Variants in SLC2A13 observed in about 807,000 individuals in gnomAD.
SLC2A13 encodes the protein solute carrier family 2 member 13.
In SLC2A13, 32 loss-of-function variants were observed where a neutral mutation model predicts 64.4. The observed-to-expected ratio is 0.50, with a 90% CI of 0.37 to 0.67. The LOEUF is 0.67. SLC2A13 is among the 30% of genes least tolerant of loss of function. The probability of loss-of-function intolerance (pLI) is 0.00; values close to 1 mark genes in which losing one functional copy is unlikely to be tolerated. For synonymous variants in SLC2A13, 338 were observed against 327.1 expected (o/e 1.03, Z -0.36); for missense variants, 743 against 829.2 (o/e 0.90, Z 1.28).
At chr12:39,952,642 G>A (rs1490179436) in intron 3 of SLC2A13, among the ~76,000 whole-genome samples, 2 of 152,166 alleles carry the variant, frequency 1.3e-5, no homozygotes, top group Admixed American at 1.3e-4. Context: ...TAAATGGCAA[G>A]AGAGGGAATA....
chr12:39,895,408 T>C (rs1374193404), intron 4 of SLC2A13, among the ~76,000 whole-genome samples: 8 of 145,694 alleles, frequency 5.5e-5, no homozygotes, highest in African/African-American at 2.0e-4. Context: ...GAGAATGGCC[T>C]GAACCTGGGA....
intron 4 of SLC2A13, among the ~76,000 whole-genome samples, chr12:39,925,103 A>G (rs1393838631): frequency 7.0e-6 from 1 of 143,816 alleles, no homozygotes; most frequent in Admixed American, 7.4e-5. Flanking sequence ...AGGCATGATC[A>G]TGGATCGCTC....
At chr12:39,960,815 T>C (rs1946399380) in intron 3 of SLC2A13, among the ~76,000 whole-genome samples, 1 of 150,056 alleles carries the variant, frequency 6.7e-6, no homozygotes, top group African/African-American at 2.4e-5. Context: ...TGGCGTGATT[T>C]TGGCTCACTG....
intron 1 of SLC2A13, among the ~76,000 whole-genome samples, chr12:40,072,223 C>T (rs993074330): frequency 6.6e-6 from 1 of 151,982 alleles, no homozygotes; most frequent in Non-Finnish European, 1.5e-5. Flanking sequence ...TATCCTTCTG[C>T]TGTTGATTTT....
At chr12:40,079,256 C>G (rs1938300538) in intron 1 of SLC2A13, among the ~76,000 whole-genome samples, 1 of 152,184 alleles carries the variant, frequency 6.6e-6, no homozygotes, top group African/African-American at 2.4e-5. Context: ...GCATTTAGCA[C>G]TATAAACTTT....
chr12:39,872,061 G>A, intron 4 of SLC2A13, 100 bp from the exon 5 acceptor site: 1 of 956,674 alleles, frequency 1.0e-6, no homozygotes, highest in South Asian at 2.9e-5. Context: ...AAAATATAAG[G>A]AGAACTACAG....
intron 1 of SLC2A13, among the ~76,000 whole-genome samples, chr12:40,101,995 C>T (rs1263855504): frequency 1.3e-5 from 2 of 152,210 alleles, no homozygotes; most frequent in Non-Finnish European, 2.9e-5. Context: ...AAGCACTTTT[C>T]TGGCTACATC....
intron 1 of SLC2A13, among the ~76,000 whole-genome samples, chr12:40,082,919 C>G (rs573059056): frequency 2.0e-5 from 3 of 152,138 alleles, no homozygotes; most frequent in South Asian, 2.1e-4. Context: ...TTTCCTCCCC[C>G]ACTTCAGCCC....
intron 4 of SLC2A13, among the ~76,000 whole-genome samples, chr12:39,909,516 A>G (rs1945373618): frequency 6.6e-6 from 1 of 152,124 alleles, no homozygotes; most frequent in African/African-American, 2.4e-5. Context: ...CAGAACACTC[A>G]TTAAATACAT....
chr12:40,055,371 G>T (rs1290140854), intron 1 of SLC2A13, among the ~76,000 whole-genome samples: 1 of 152,162 alleles, frequency 6.6e-6, no homozygotes, highest in African/African-American at 2.4e-5. Context: ...AGTCTCCCAT[G>T]GCTAAAATGA....
intron 3 of SLC2A13, among the ~76,000 whole-genome samples, chr12:39,984,166 CTGGGGACTGTGG>C (rs1437826344): frequency 7.0e-6 from 1 of 143,708 alleles, no homozygotes; most frequent in African/African-American, 2.6e-5. Flanking sequence ...ATATCACAAT[CTGGGGACTGTGG>C]TGGGGTGGGG....
intron 7 of SLC2A13, among the ~76,000 whole-genome samples, chr12:39,808,821 G>T (rs893260113): frequency 6.6e-6 from 1 of 151,988 alleles, no homozygotes; most frequent in African/African-American, 2.4e-5. Flanking sequence ...TAATTCCTTT[G>T]TTAGATATAC....
intron 4 of SLC2A13, among the ~76,000 whole-genome samples, chr12:39,881,816 C>T (rs771361630): frequency 1.3e-5 from 2 of 152,064 alleles, no homozygotes; most frequent in Non-Finnish European, 2.9e-5. Flanking sequence ...CTAATTCTCA[C>T]TTAGTTGTCT....
At chr12:40,068,316 C>T in intron 1 of SLC2A13, 1 of 415,752 alleles carries the variant, frequency 2.4e-6, no homozygotes, top group Non-Finnish European at 4.8e-6. Flanking sequence ...AGCCAGTGTG[C>T]ACAGTCTGTA....
intron 3 of SLC2A13, among the ~76,000 whole-genome samples, chr12:39,959,013 A>C (rs1283372945): frequency 1.3e-5 from 2 of 152,138 alleles, no homozygotes; most frequent in Admixed American, 1.3e-4. Context: ...CATTCAGTAA[A>C]TATTTCCTTG....
intron 4 of SLC2A13, 41 bp downstream of exon 4, chr12:39,951,216 T>C (rs760995830): frequency 6.5e-7 from 1 of 1,536,634 alleles, no homozygotes; most frequent in Non-Finnish European, 9.0e-7. Flanking sequence ...AAATAATCCT[T>C]TCACAATCTT....
intron 1 of SLC2A13, among the ~76,000 whole-genome samples, chr12:40,074,260 A>G (rs1188809593): frequency 6.6e-6 from 1 of 150,700 alleles, no homozygotes; most frequent in East Asian, 1.9e-4. Context: ...CCAAATCCTG[A>G]GCTCAAGGGA....
chr12:39,969,423 A>C (rs1266139135), intron 3 of SLC2A13, among the ~76,000 whole-genome samples: 6 of 152,206 alleles, frequency 3.9e-5, no homozygotes, highest in South Asian at 2.1e-4. Flanking sequence ...CCAACAGTGT[A>C]AAAGTGTTCC....
intron 7 of SLC2A13, among the ~76,000 whole-genome samples, chr12:39,768,455 A>G (rs945352315): frequency 3.3e-4 from 50 of 152,204 alleles, no homozygotes; most frequent in African/African-American, 1.1e-3. Context: ...TCAGCTTTCA[A>G]TATGCCTTCC....
Sources: gnomAD v4.1 joint callset for allele counts (sites outside exome capture counted in the v4.1 genomes callset) on GRCh38, gnomAD v4.1.1 for gene constraint, MANE v1.5 for transcripts, NCBI Gene and HGNC (gene_info 2026-07-23, HGNC 2026-07-21) for gene names.